SH3KBP1: variants seen among roughly 807,000 people sequenced by gnomAD.
SH3KBP1 encodes SH3 domain-containing kinase-binding protein 1.
A neutral mutation model predicts 50.1 loss-of-function variants in SH3KBP1; 8 were observed. The observed-to-expected ratio is 0.16, with a 90% confidence interval of 0.09 to 0.29. SH3KBP1 has a LOEUF of 0.29. SH3KBP1 is among the 10% of genes least tolerant of loss of function. The pLI is 1.00. For missense variants in SH3KBP1, 377 were observed against 535.2 expected (o/e 0.70, Z 2.92); for synonymous variants, 227 against 218.6 (o/e 1.04, Z -0.34).
chrX:19,716,379 G>A (rs897013002), intron 3 of SH3KBP1, among the ~76,000 whole-genome samples: 7 of 112,031 alleles, frequency 6.2e-5, no homozygotes, highest in Admixed American at 1.9e-4. Context: ...CCCTGGAGAT[G>A]AGCCTGCTTG....
At chrX:19,834,517 G>T (rs1012015742) in intron 2 of SH3KBP1, among the ~76,000 whole-genome samples, 7 of 112,078 alleles carry the variant, frequency 6.2e-5, no homozygotes, top group African/African-American at 1.9e-4. Context: ...TATTTCCCAT[G>T]AGGAATAGCC....
Position 19,594,670 on chromosome X carries a change from TTTTG to T in SH3KBP1, c.1057+275_1057+278del, listed in dbSNP as rs779798365. The stretch of plus-strand genomic sequence containing the variant: ...ACTTAAAAAAACCCAAACTTGTTTT[TTTTG>T]TTTGTTTGTTTGTTTGTTTTAATTC... On this transcript the variant is annotated intron_variant, in intron 10 of 17. Coordinates refer to ENST00000397821, the MANE Select transcript of SH3KBP1 (RefSeq NM_031892.3). Among the ~76,000 whole-genome samples the T allele has an allele frequency of 7.7e-4, 86 of 111,987 alleles. 1 individual carries two copies. The South Asian group carries it at 7.9e-3, about 10-fold the overall frequency.
At chrX:19,833,141 C>T (rs1199736046) in intron 2 of SH3KBP1, among the ~76,000 whole-genome samples, 3 of 111,527 alleles carry the variant, frequency 2.7e-5, no homozygotes, top group African/African-American at 9.8e-5. Flanking sequence ...CTCTCTTTCC[C>T]ATGGTCCTCC....
chrX:19,656,001 T>C (rs2062269431), intron 6 of SH3KBP1, among the ~76,000 whole-genome samples: 1 of 111,093 alleles, frequency 9.0e-6, no homozygotes, highest in Non-Finnish European at 1.9e-5. Context: ...ATGGGTAAAA[T>C]TTTGCCAAGT....
At chrX:19,856,840 A>C (rs1448743559) in intron 1 of SH3KBP1, among the ~76,000 whole-genome samples, 1 of 108,221 alleles carries the variant, frequency 9.2e-6, no homozygotes, top group Non-Finnish European at 1.9e-5. Context: ...TAACACAAGT[A>C]TTTACATCCT....
intron 3 of SH3KBP1, among the ~76,000 whole-genome samples, chrX:19,738,397 G>A (rs1313388348): frequency 9.0e-6 from 1 of 110,651 alleles, no homozygotes; most frequent in African/African-American, 3.3e-5. Context: ...GCAAGGTCTC[G>A]TCACTAGTAG....
chrX:19,648,609 C>T (rs1039664440), intron 6 of SH3KBP1, among the ~76,000 whole-genome samples: 4 of 111,375 alleles, frequency 3.6e-5, no homozygotes, highest in African/African-American at 1.3e-4. Context: ...CATAGAGGCC[C>T]AAATCCTGTT....
chrX:19,582,542 C>T (rs751112864), intron 12 of SH3KBP1, among the ~76,000 whole-genome samples: 2 of 112,240 alleles, frequency 1.8e-5, no homozygotes, highest in East Asian at 5.6e-4. Context: ...TTTCATCTTC[C>T]AAACAAACCC....
At chrX:19,663,289 G>A (rs372420629) in intron 6 of SH3KBP1, among the ~76,000 whole-genome samples, 9 of 111,631 alleles carry the variant, frequency 8.1e-5, no homozygotes, top group African/African-American at 2.6e-4. Flanking sequence ...GGTGCTTTTC[G>A]TGGTTGTTAT....
In SH3KBP1 at chrX:19,754,043, C is replaced by T. The variant is rs190998310; in HGVS notation, c.163-7602G>A. Reference sequence around the variant, plus strand: ...CAGCTCAAAGCTAACAAGGAAATTTCAAGAAATGTAACAGGTCTATTACCA... The same window carrying T: ...CAGCTCAAAGCTAACAAGGAAATTTTAAGAAATGTAACAGGTCTATTACCA... On this transcript the variant is annotated intron_variant, in intron 2 of 17. Coordinates refer to ENST00000397821, the MANE Select transcript of SH3KBP1 (RefSeq NM_031892.3). Among the ~76,000 whole-genome samples the T allele has an allele frequency of 6.8e-4, 76 of 112,248 alleles. No individual in the cohort carries two copies. The East Asian group carries it at 0.015, about 22-fold the overall frequency.
chrX:19,855,681 C>T, intron 1 of SH3KBP1, among the ~76,000 whole-genome samples: 1 of 95,509 alleles, frequency 1.0e-5, no homozygotes, highest in Non-Finnish European at 2.1e-5. Flanking sequence ...CTCTACCTGG[C>T]TCAGTGCTAC....
intron 2 of SH3KBP1, among the ~76,000 whole-genome samples, chrX:19,760,035 T>TCC (rs1443029922): frequency 1.8e-4 from 12 of 65,207 alleles, no homozygotes; most frequent in Non-Finnish European, 2.5e-4. Context: ...TCTCTCTCTC[T>TCC]CTCTCCCTCT....
intron 11 of SH3KBP1, 79 bp from the exon 12 acceptor site, chrX:19,588,881 T>C: frequency 1.6e-6 from 1 of 643,119 alleles, no homozygotes; most frequent in Non-Finnish European, 2.1e-6. Context: ...CATTTCCTGC[T>C]AAAAAAAAAA....
At chrX:19,872,765 G>A (rs1480255935) in intron 1 of SH3KBP1, among the ~76,000 whole-genome samples, 2 of 108,120 alleles carry the variant, frequency 1.8e-5, no homozygotes, top group Admixed American at 2.0e-4. Context: ...GACAGAGCAA[G>A]ACTGTCTCAA....
At chrX:19,722,569 GGTGTGTGTGT>G (rs55675573) in intron 3 of SH3KBP1, among the ~76,000 whole-genome samples, 68 of 84,236 alleles carry the variant, frequency 8.1e-4, no homozygotes, top group East Asian at 1.2e-3. Context: ...CGTGCGCACT[GGTGTGTGTGT>G]GTGTGTGTGT....
chrX:19,746,371 G>A lies in SH3KBP1; in HGVS notation c.233C>T (p.Pro78Leu), dbSNP rs2148819824. The change falls in exon 3 of 18, where the codon CCC (proline) becomes CTC (leucine). Residue 78 changes from proline (P) to leucine (L), a missense_variant. Pro to Leu is a moderately conservative substitution (Grantham distance 98, BLOSUM62 -3). Transcript: ENST00000397821. ...KAPEKPLHEV[P>L]SGNSLLSSET... The stretch of plus-strand genomic sequence containing the variant: ...AGAAGACAGCAAAGAGTTTCCACTG[G>A]GCACTTCGTGCAGGGGCTTTTCTGG... 3 of 1,205,271 alleles carry A rather than the reference G, an allele frequency of 2.5e-6. No individual in the cohort carries two copies. The highest frequency in any genetic ancestry group is 1.7e-5 in the African/African-American group (1 of 57,181).
chrX:19,564,921 C>T (rs1020780973), intron 13 of SH3KBP1, among the ~76,000 whole-genome samples: 1 of 109,849 alleles, frequency 9.1e-6, no homozygotes, highest in South Asian at 4.0e-4. Context: ...CACCCCCACC[C>T]CTATGATGTG....
At chrX:19,584,899 T>C (rs1276107393) in intron 12 of SH3KBP1, among the ~76,000 whole-genome samples, 1 of 111,731 alleles carries the variant, frequency 9.0e-6, no homozygotes, top group East Asian at 2.8e-4. Flanking sequence ...ATCGTCCATC[T>C]ATCCATCCAT....
chrX:19,831,018 T>C (rs775157582), intron 2 of SH3KBP1, among the ~76,000 whole-genome samples: 3 of 111,876 alleles, frequency 2.7e-5, no homozygotes, highest in African/African-American at 6.5e-5. Flanking sequence ...GGTATTTTTC[T>C]CTTGAGAGAC....
Sources: allele counts gnomAD v4.1 joint callset (sites outside exome capture counted in the v4.1 genomes callset), GRCh38; gene constraint gnomAD v4.1.1; transcripts MANE v1.5; gene names NCBI Gene and HGNC (gene_info 2026-07-23, HGNC 2026-07-21).